GABRA4: variants seen among roughly 807,000 people sequenced by gnomAD.
The protein encoded by GABRA4 is gamma-aminobutyric acid type A receptor subunit alpha4, also known as gamma-aminobutyric acid receptor subunit alpha-4.
GABRA4 carries 12 observed loss-of-function variants against 49.7 expected under a neutral mutation model. The ratio of observed to expected loss-of-function variants is 0.24; its 90% CI spans 0.15 to 0.39. GABRA4 has a LOEUF of 0.39. Among genes scored for constraint, GABRA4 ranks in the 10% least tolerant of loss-of-function variants. GABRA4 has a pLI of 1.00. For missense variants in GABRA4, 506 were observed against 686.0 expected, an observed-to-expected ratio of 0.74 and a Z score of 2.93; for synonymous variants, 288 against 240.2, an observed-to-expected ratio of 1.20 and a Z score of -1.84.
At chr4:46,993,227 T>G (rs1234710526) in intron 1 of GABRA4, 112 bp downstream of exon 1, 5 of 936,326 alleles carry the variant, frequency 5.3e-6, no homozygotes, top group Non-Finnish European at 8.6e-6. Flanking sequence ...CTCTTACAGC[T>G]GAGATAAGAA....
chr4:46,982,386 C>T (rs958198643), intron 2 of GABRA4, among the ~76,000 whole-genome samples: 1 of 151,862 alleles, frequency 6.6e-6, no homozygotes, highest in Non-Finnish European at 1.5e-5. Context: ...CACAGACACA[C>T]ACACACACAC....
intron 8 of GABRA4, among the ~76,000 whole-genome samples, chr4:46,932,663 A>G (rs1445580414): frequency 6.6e-6 from 1 of 152,192 alleles, no homozygotes; most frequent in Non-Finnish European, 1.5e-5. Flanking sequence ...AACATATTCA[A>G]TTATGGATTC....
intron 2 of GABRA4, among the ~76,000 whole-genome samples, chr4:46,989,246 A>T (rs1202021707): frequency 6.6e-6 from 1 of 152,216 alleles, no homozygotes; most frequent in East Asian, 1.9e-4. Flanking sequence ...GTTAGTAAAT[A>T]CCTTAGCAAT....
Position 46,956,111 on chromosome 4 carries a change from T to C in GABRA4, c.1134+8859A>G, listed in dbSNP as rs369453822. On this transcript the variant is annotated intron_variant, in intron 8 of 8. Transcript: ENST00000264318. ...GCACTTAAAACATACAATTTAGTAA[T>C]TGTGCATTAAACAATCACTCATTGC... 2.6e-4 allele frequency among the ~76,000 whole-genome samples: 40 copies of C among 152,252 alleles called. 2 individuals are homozygous for C. Among genetic ancestry groups the C allele is most frequent in the African/African-American group, 9.6e-4 (40 of 41,566 alleles).
chr4:46,971,936 A>T lies in GABRA4; in HGVS notation c.722-701T>A, dbSNP rs555162097. On this transcript the variant is annotated intron_variant, in intron 6 of 8. Transcript: ENST00000264318. ...GAAAAACTAATAAGTACAATAAACC[A>T]TAAGATTTCTGGTAGCTGTTGATAA... 6.0e-5 allele frequency among the ~76,000 whole-genome samples: 9 copies of T among 150,896 alleles called. 2 individuals carry two copies. Among genetic ancestry groups the T allele is most frequent in the African/African-American group, 2.2e-4 (9 of 41,468 alleles).
chr4:46,957,308 AATT>A (rs2109364832), intron 8 of GABRA4, among the ~76,000 whole-genome samples: 1 of 151,944 alleles, frequency 6.6e-6, no homozygotes, highest in Admixed American at 6.6e-5. Context: ...AGAGTACTTG[AATT>A]ATTATTTATA....
At chr4:46,949,641 A>G (rs952502068) in intron 8 of GABRA4, among the ~76,000 whole-genome samples, 2 of 152,160 alleles carry the variant, frequency 1.3e-5, no homozygotes, top group African/African-American at 4.8e-5. Context: ...TTTTATCTCA[A>G]TAATATATTG....
chr4:46,939,025 A>G (rs950516969), intron 8 of GABRA4, among the ~76,000 whole-genome samples: 2 of 152,084 alleles, frequency 1.3e-5, no homozygotes, highest in African/African-American at 4.8e-5. Flanking sequence ...TTGTGGAAGT[A>G]ATACTTAAGC....
intron 8 of GABRA4, among the ~76,000 whole-genome samples, chr4:46,938,099 G>T (rs1231627266): frequency 6.6e-6 from 1 of 151,924 alleles, no homozygotes; most frequent in East Asian, 1.9e-4. Flanking sequence ...CTTGAAAGTG[G>T]AGTTAATATA....
intron 8 of GABRA4, among the ~76,000 whole-genome samples, chr4:46,946,091 A>G (rs1721968788): frequency 1.3e-5 from 2 of 152,160 alleles, no homozygotes; most frequent in Admixed American, 6.6e-5. Flanking sequence ...AAAAATTTCT[A>G]TAGGCCACTG....
chr4:46,966,522 A>T (rs1213522401), intron 7 of GABRA4, among the ~76,000 whole-genome samples: 1 of 151,720 alleles, frequency 6.6e-6, no homozygotes, highest in East Asian at 1.9e-4. Context: ...CAGGTGTGTA[A>T]TCCTCATTTC....
chr4:46,922,059 G>C lies in GABRA4; in HGVS notation c.*6166C>G, dbSNP rs1048196458. The C allele has an allele frequency of 6.6e-6, 1 of 152,000 alleles. No homozygotes were observed. The highest frequency in any genetic ancestry group is 2.1e-4 in the South Asian group (1 of 4,820). The allele number at this position is 152,000 out of a possible 1,614,324, so 9.4% of individuals were successfully genotyped here. ...TCATACGATTTTACTATATACTTCC[G>C]AATAGTGGAATGTAGAGGTAAAGAT... On this transcript the variant is annotated 3_prime_UTR_variant, in exon 9 of 9. Transcript: ENST00000264318.
At chr4:46,993,019 A>T in intron 1 of GABRA4, 73 bp from the exon 2 acceptor site, 2 of 1,185,960 alleles carry the variant, frequency 1.7e-6, no homozygotes, top group Non-Finnish European at 2.5e-6. Context: ...AGGTGCAAAC[A>T]GGTTTGTTTT....
At chr4:46,949,555 T>C (rs1008852430) in intron 8 of GABRA4, among the ~76,000 whole-genome samples, 3 of 152,116 alleles carry the variant, frequency 2.0e-5, no homozygotes, top group Non-Finnish European at 1.5e-5. Context: ...AAAAAAATCA[T>C]TTGCTAGGAA....
intron 8 of GABRA4, among the ~76,000 whole-genome samples, chr4:46,934,930 A>G (rs1721557581): frequency 6.6e-6 from 1 of 152,202 alleles, no homozygotes; most frequent in Non-Finnish European, 1.5e-5. Flanking sequence ...GCTTTCATCA[A>G]TGCCGCCAAC....
intron 2 of GABRA4, among the ~76,000 whole-genome samples, chr4:46,988,621 G>A (rs2109408748): frequency 6.6e-6 from 1 of 152,290 alleles, no homozygotes; most frequent in African/African-American, 2.4e-5. Flanking sequence ...TAACCCAAAT[G>A]CATACAATTT....
Position 46,925,066 on chromosome 4 carries a change from C to A in GABRA4, c.*3159G>T, listed in dbSNP as rs1721166423. 1 of 151,846 alleles carries A rather than the reference C, an allele frequency of 6.6e-6. No homozygotes were observed. Among genetic ancestry groups the A allele is most frequent in the African/African-American group, 2.4e-5 (1 of 41,372 alleles). The allele number at this position is 151,846 out of a possible 1,614,324, so 9.4% of individuals were successfully genotyped here. A position where few individuals can be genotyped will look rare whatever the true frequency, so the allele number is the denominator to read the frequency against. On this transcript the variant is annotated 3_prime_UTR_variant, in exon 9 of 9. Coordinates refer to ENST00000264318, the MANE Select transcript of GABRA4 (RefSeq NM_000809.4). Reference sequence around the variant, plus strand: ...TTTTTCTAGGCCAGGAAGTATTGGCCAGCTCATGGGTAAAATAAGCCACAA... The same window carrying A: ...TTTTTCTAGGCCAGGAAGTATTGGCAAGCTCATGGGTAAAATAAGCCACAA...
intron 6 of GABRA4, among the ~76,000 whole-genome samples, chr4:46,973,073 T>C (rs1723006944): frequency 6.6e-6 from 1 of 151,748 alleles, no homozygotes; most frequent in Non-Finnish European, 1.5e-5. Context: ...CTTAAACCTT[T>C]CTCGTGTATA....
chr4:46,945,795 A>C lies in GABRA4; in HGVS notation c.1135-17040T>G, dbSNP rs146898865. ...AAGAACACCTTAAAACACCATTTGA[A>C]AAAGTAGCCTACAGGCTTTTTGTGG... On this transcript the variant is annotated intron_variant, in intron 8 of 8. Coordinates refer to ENST00000264318, the MANE Select transcript of GABRA4 (RefSeq NM_000809.4). Among the ~76,000 whole-genome samples, 690 of 152,284 alleles carry C rather than the reference A, an allele frequency of 4.5e-3. 6 individuals are homozygous for C. The highest frequency in any genetic ancestry group is 0.016 in the African/African-American group (669 of 41,582).
Sources: allele counts gnomAD v4.1 joint callset (sites outside exome capture counted in the v4.1 genomes callset), GRCh38; gene constraint gnomAD v4.1.1; transcripts MANE v1.5; gene names NCBI Gene and HGNC (gene_info 2026-07-23, HGNC 2026-07-21).